The following PLPPR1 variants were observed in gnomAD, a reference collection of about 807,000 sequenced individuals.
The protein encoded by PLPPR1 is phospholipid phosphatase related 1, also known as phospholipid phosphatase-related protein type 1.
In PLPPR1, 10 loss-of-function variants were observed where a neutral mutation model predicts 33.1. The observed-to-expected ratio is 0.30, with a 90% CI of 0.19 to 0.51. The LOEUF is 0.51. PLPPR1 is among the 20% of genes least tolerant of loss of function. PLPPR1 has a pLI of 0.97. For missense variants in PLPPR1, 304 were observed against 408.1 expected, an observed-to-expected ratio of 0.74 and a Z score of 2.20; for synonymous variants, 151 against 151.0, an observed-to-expected ratio of 1.00 and a Z score of 0.00.
intron 1 of PLPPR1, among the ~76,000 whole-genome samples, chr9:101,046,153 T>C (rs1830140463): frequency 1.3e-5 from 2 of 152,214 alleles, no homozygotes; most frequent in Admixed American, 1.3e-4. Flanking sequence ...TATCCATTGC[T>C]GTGTGTGGAC....
At chr9:101,229,560 CT>C (rs1827140997) in intron 2 of PLPPR1, among the ~76,000 whole-genome samples, 2 of 152,162 alleles carry the variant, frequency 1.3e-5, no homozygotes, top group African/African-American at 4.8e-5. Flanking sequence ...TGATTTCATG[CT>C]GTATTTCACA....
chr9:101,057,702 T>G (rs1830294287), intron 1 of PLPPR1, among the ~76,000 whole-genome samples: 2 of 152,148 alleles, frequency 1.3e-5, no homozygotes. Context: ...ACACTGAGAT[T>G]TAGAGATATT....
chr9:101,078,077 A>G (rs1218582229), intron 1 of PLPPR1, among the ~76,000 whole-genome samples: 4 of 109,648 alleles, frequency 3.6e-5, no homozygotes, highest in African/African-American at 1.0e-4. Context: ...GAGAGTCTGG[A>G]ATGGAGGAGG....
At chr9:101,234,023 A>G (rs886592392) in intron 2 of PLPPR1, among the ~76,000 whole-genome samples, 6 of 151,868 alleles carry the variant, frequency 4.0e-5, no homozygotes, top group Non-Finnish European at 7.4e-5. Flanking sequence ...ACTACCCAAG[A>G]TTTCTGTGAA....
At chr9:101,186,376 G>A (rs1028514396) in intron 2 of PLPPR1, among the ~76,000 whole-genome samples, 2 of 151,654 alleles carry the variant, frequency 1.3e-5, no homozygotes, top group Admixed American at 6.6e-5. Flanking sequence ...AGTGTAAAGA[G>A]CTGAAAAGTA....
chr9:101,053,582 G>A lies in PLPPR1; in HGVS notation c.-46+24480G>A, dbSNP rs1043313161. Among the ~76,000 whole-genome samples, 22 of 152,144 alleles carry A rather than the reference G, an allele frequency of 1.4e-4. 1 individual carries two copies. The highest frequency in any genetic ancestry group is 5.9e-5 in the Non-Finnish European group (4 of 68,042). ...CAGGGTATTCATGTCCCTGCTCTGG[G>A]AGGAATGATAATTCCTCGGCCTACC... On this transcript the variant is annotated intron_variant, in intron 1 of 7. Coordinates refer to ENST00000374874, the MANE Select transcript of PLPPR1 (RefSeq NM_207299.2).
intron 1 of PLPPR1, among the ~76,000 whole-genome samples, chr9:101,146,894 G>A (rs549158014): frequency 2.6e-4 from 40 of 152,254 alleles, no homozygotes; most frequent in African/African-American, 9.1e-4. Flanking sequence ...CTGATTCCAC[G>A]TGGCATTAAG....
chr9:101,046,435 CTTTTTTTTTT>C (rs527884198), intron 1 of PLPPR1, among the ~76,000 whole-genome samples: 1 of 116,782 alleles, frequency 8.6e-6, no homozygotes, highest in African/African-American at 3.5e-5. Context: ...CTCTTTTATT[CTTTTTTTTTT>C]TTTTTTTTTT....
intron 1 of PLPPR1, among the ~76,000 whole-genome samples, chr9:101,150,401 G>T (rs1831567466): frequency 6.6e-6 from 1 of 152,064 alleles, no homozygotes; most frequent in Non-Finnish European, 1.5e-5. Context: ...GTGCCTTTTT[G>T]TTTATTAGTT....
intron 1 of PLPPR1, among the ~76,000 whole-genome samples, chr9:101,100,869 G>A (rs1353088592): frequency 4.6e-5 from 7 of 152,038 alleles, no homozygotes; most frequent in African/African-American, 1.7e-4. Flanking sequence ...GAGAACTGTG[G>A]TTAGTAATGC....
intron 1 of PLPPR1, among the ~76,000 whole-genome samples, chr9:101,153,902 G>A (rs1831636654): frequency 1.3e-5 from 2 of 152,220 alleles, no homozygotes; most frequent in South Asian, 4.2e-4. Context: ...CTAATTTATT[G>A]AGAGTTTTTA....
At chr9:101,115,274 T>A (rs1831104921) in intron 1 of PLPPR1, among the ~76,000 whole-genome samples, 1 of 152,196 alleles carries the variant, frequency 6.6e-6, no homozygotes, top group Non-Finnish European at 1.5e-5. Context: ...AGCATTTACA[T>A]GTATCCGTGC....
intron 1 of PLPPR1, among the ~76,000 whole-genome samples, chr9:101,135,423 C>G (rs1469751726): frequency 6.6e-6 from 1 of 152,148 alleles, no homozygotes; most frequent in Non-Finnish European, 1.5e-5. Context: ...TTTCAAACTC[C>G]TCTCTTAAGG....
At chr9:101,134,342 CAGTCCA>C (rs921367127) in intron 1 of PLPPR1, among the ~76,000 whole-genome samples, 40 of 151,744 alleles carry the variant, frequency 2.6e-4, no homozygotes, top group African/African-American at 9.7e-4. Context: ...TCAGATAATA[CAGTCCA>C]AGTGTCAAGT....
intron 2 of PLPPR1, among the ~76,000 whole-genome samples, chr9:101,250,686 G>A (rs1368353221): frequency 6.6e-6 from 1 of 152,014 alleles, no homozygotes; most frequent in African/African-American, 2.4e-5. Context: ...CCTTGCTGCA[G>A]TTATACATAG....
At chr9:101,057,609 G>A (rs913170430) in intron 1 of PLPPR1, among the ~76,000 whole-genome samples, 5 of 152,146 alleles carry the variant, frequency 3.3e-5, no homozygotes, top group African/African-American at 1.2e-4. Context: ...TATGCTTAGT[G>A]TTTTATATAT....
At chr9:101,121,728 C>T (rs984035294) in intron 1 of PLPPR1, among the ~76,000 whole-genome samples, 1 of 152,130 alleles carries the variant, frequency 6.6e-6, no homozygotes, top group Non-Finnish European at 1.5e-5. Flanking sequence ...CTTAGATTTA[C>T]AAGAGTTGCA....
chr9:101,133,418 A>G (rs1440902547), intron 1 of PLPPR1, among the ~76,000 whole-genome samples: 2 of 152,200 alleles, frequency 1.3e-5, no homozygotes, highest in African/African-American at 2.4e-5. Flanking sequence ...TTTGGCCTCC[A>G]ATATCAAATG....
At chr9:101,302,357 C>G (rs1828769554) in intron 4 of PLPPR1, among the ~76,000 whole-genome samples, 1 of 152,128 alleles carries the variant, frequency 6.6e-6, no homozygotes, top group South Asian at 2.1e-4. Context: ...AACATGGTAA[C>G]CTCAGATAAA....
Sources: allele counts gnomAD v4.1 joint callset (sites outside exome capture counted in the v4.1 genomes callset), GRCh38; gene constraint gnomAD v4.1.1; transcripts MANE v1.5; gene names NCBI Gene and HGNC (gene_info 2026-07-23, HGNC 2026-07-21).